The following RABGEF1 variants were observed in gnomAD, a reference collection of about 807,000 sequenced individuals.
RABGEF1 encodes the protein rab5 GDP/GTP exchange factor.
RABGEF1 carries 26 observed loss-of-function variants against 57.3 expected under a neutral mutation model. The observed-to-expected ratio is 0.45, with a 90% confidence interval of 0.33 to 0.63. The LOEUF is 0.63. RABGEF1 is among the 20% of genes least tolerant of loss of function. The pLI, the probability that RABGEF1 is intolerant of heterozygous loss-of-function variation, is 0.02. For synonymous variants in RABGEF1, 185 were observed against 210.7 expected, an observed-to-expected ratio of 0.88 and a Z score of 1.06; for missense variants, 464 against 607.6, an observed-to-expected ratio of 0.76 and a Z score of 2.48.
intron 1 of RABGEF1, among the ~76,000 whole-genome samples, chr7:66,762,194 A>C (rs1362817131): frequency 6.6e-6 from 1 of 152,248 alleles, no homozygotes; most frequent in East Asian, 1.9e-4. Flanking sequence ...GAAATGTAAC[A>C]GTGGAGAAGG....
At position 66,810,378 on chromosome 7, in the gene RABGEF1, T is replaced by C. The variant is rs1789291223; in HGVS notation, c.*1094T>C. Reference sequence around the variant, plus strand: ...GCCATCCATATCCATTAGGTGCCAGTAGCACCCCCGCTAGAGCTGTGAAAA... The same window carrying C: ...GCCATCCATATCCATTAGGTGCCAGCAGCACCCCCGCTAGAGCTGTGAAAA... On this transcript the variant is annotated 3_prime_UTR_variant, in exon 9 of 9. Transcript: ENST00000284957. 1 of 152,176 alleles carries C rather than the reference T, an allele frequency of 6.6e-6. No individual in the cohort carries two copies. The highest frequency in any genetic ancestry group is 1.9e-4 in the East Asian group (1 of 5,206). 9.4% of individuals were successfully genotyped at this position (152,176 alleles called of 1,614,324 possible). A position where few individuals can be genotyped will look rare whatever the true frequency, so the allele number is the denominator to read the frequency against.
At chr7:66,714,792 G>A (rs1233610196) in intron 2 of RABGEF1, among the ~76,000 whole-genome samples, 16 of 152,198 alleles carry the variant, frequency 1.1e-4, no homozygotes, top group East Asian at 1.9e-4. Context: ...AAAATTAGCC[G>A]GGCATGGTGG....
chr7:66,705,464 A>AGAGG lies in RABGEF1; in HGVS notation c.-872-6700_-872-6699insGGAG, dbSNP rs1411671373. On this transcript the variant is annotated intron_variant and NMD_transcript_variant, in intron 1 of 9. Transcript: ENST00000607882. Reference sequence around the variant, plus strand: ...AAGAAAGAGAGAGAGAGAGAGAGAGAGAGAGAGAGAGAGAGAGAGAGAGGA... The same window carrying AGAGG: ...AAGAAAGAGAGAGAGAGAGAGAGAGAGAGGGAGAGAGAGAGAGAGAGAGAGAGGA... Among the ~76,000 whole-genome samples, 36 of 137,924 alleles carry AGAGG rather than the reference A, an allele frequency of 2.6e-4. 1 individual carries two copies. The South Asian group carries it at 4.2e-3, about 16-fold the overall frequency. The allele number at this position is 137,924 out of a possible 152,430, so 90.5% of individuals were successfully genotyped here. A position where few individuals can be genotyped will look rare whatever the true frequency, so the allele number is the denominator to read the frequency against.
At chr7:66,724,422 C>T (rs368802409) in intron 2 of RABGEF1, among the ~76,000 whole-genome samples, 10 of 151,778 alleles carry the variant, frequency 6.6e-5, no homozygotes, top group Non-Finnish European at 1.2e-4. Context: ...TGCAGTGGCG[C>T]GATCTCGGCT....
chr7:66,756,205 G>C, intron 1 of RABGEF1: 4 of 574,600 alleles, frequency 7.0e-6, no homozygotes, highest in Non-Finnish European at 1.1e-5. Context: ...TCTAAAGATG[G>C]CTAACCTTAG....
intron 2 of RABGEF1, among the ~76,000 whole-genome samples, chr7:66,722,592 A>C (rs1032587574): frequency 6.6e-6 from 1 of 152,222 alleles, no homozygotes; most frequent in African/African-American, 2.4e-5. Context: ...CCATTGCCTA[A>C]TTCAAGGTCA....
At position 66,771,993 on chromosome 7, in the gene RABGEF1, C is replaced by T; in HGVS notation, c.94C>T (p.Gln32Ter). ...TGGTTACTACGGCAACCCTGCCTGGCAGGGTTTCTGCTCCAAGTGCTGGAG... is the reference window on the plus strand; with the variant it reads ...TGGTTACTACGGCAACCCTGCCTGGTAGGGTTTCTGCTCCAAGTGCTGGAG... ...GCGYYGNPAW[Q>*]GFCSKCWREE... The change falls in exon 2 of 9, where the codon CAG becomes TAG. Residue 32 changes from glutamine (Q) to a stop codon, truncating the protein, a stop_gained. Transcript: ENST00000284957. LOFTEE classifies it high-confidence loss of function. The T allele has an allele frequency of 1.3e-6, 2 of 1,599,572 alleles. No individual in the cohort carries two copies. The highest frequency in any genetic ancestry group is 1.7e-6 in the Non-Finnish European group (2 of 1,173,578).
rs1237776985 is a variant in RABGEF1, at chr7:66,796,586, G to T, written c.596-788G>T. 3.3e-4 allele frequency among the ~76,000 whole-genome samples: 50 copies of T among 151,008 alleles called. 1 individual carries two copies. Among genetic ancestry groups the T allele is most frequent in the Non-Finnish European group, 8.8e-5 (6 of 67,848 alleles). ...CCAACAGTTGGAAGAAGATTTTTTT[G>T]TTTGTTTGTTTGTTTGTTTTTGTCG... On this transcript the variant is annotated intron_variant, in intron 5 of 8. Transcript: ENST00000284957.
chr7:66,796,717 AG>A (rs1786013216), intron 5 of RABGEF1: 1 of 292,334 alleles, frequency 3.4e-6, no homozygotes, highest in Non-Finnish European at 6.7e-6. Context: ...TCAGCCCCCG[AG>A]TGGCTGGGAT....
At chr7:66,693,299 A>G (rs1325848269) in intron 1 of RABGEF1, among the ~76,000 whole-genome samples, 2 of 152,164 alleles carry the variant, frequency 1.3e-5, no homozygotes, top group Non-Finnish European at 2.9e-5. Context: ...GGCACCATCA[A>G]AAGTAAATTA....
chr7:66,683,153 A>T (rs1233551375), intron 1 of RABGEF1, among the ~76,000 whole-genome samples: 3 of 151,952 alleles, frequency 2.0e-5, no homozygotes, highest in Non-Finnish European at 1.5e-5. Context: ...TTTCCTTATT[A>T]TTTTTTTCGA....
intron 2 of RABGEF1, among the ~76,000 whole-genome samples, chr7:66,730,387 C>T (rs545171026): frequency 5.8e-4 from 89 of 152,184 alleles, no homozygotes; most frequent in African/African-American, 2.0e-3. Flanking sequence ...GCATCTTAAA[C>T]GGTAGGTTAT....
the RABGEF1 span, among the ~76,000 whole-genome samples, chr7:66,664,201 A>G: frequency 6.6e-6 from 1 of 152,072 alleles, no homozygotes; most frequent in Non-Finnish European, 1.5e-5. Flanking sequence ...GTTTTGGTGG[A>G]ATGGGGTGAC....
chr7:66,720,194 AT>A (rs58442880), intron 2 of RABGEF1, among the ~76,000 whole-genome samples: 35,082 of 134,176 alleles, frequency 0.26, 4,101 homozygotes, highest in South Asian at 0.33. Flanking sequence ...TATTATTATT[AT>A]TTTTTTTTTT....
intron 1 of RABGEF1, among the ~76,000 whole-genome samples, chr7:66,699,939 C>T (rs1380360177): frequency 6.6e-6 from 1 of 152,202 alleles, no homozygotes; most frequent in Non-Finnish European, 1.5e-5. Flanking sequence ...AGAGCCTGTC[C>T]CTGTCAGATG....
intron 4 of RABGEF1, among the ~76,000 whole-genome samples, chr7:66,786,624 G>A (rs1811249549): frequency 6.6e-6 from 1 of 152,120 alleles, no homozygotes; most frequent in South Asian, 2.1e-4. Context: ...GGCTGGTCTT[G>A]AATTCCTGAC....
At chr7:66,713,810 G>T (rs1257839126) in intron 2 of RABGEF1, among the ~76,000 whole-genome samples, 1 of 152,166 alleles carries the variant, frequency 6.6e-6, no homozygotes, top group African/African-American at 2.4e-5. Flanking sequence ...ATTATTTTAA[G>T]AAATGGATAC....
chr7:66,666,869 G>A, the RABGEF1 span, among the ~76,000 whole-genome samples: 1 of 152,218 alleles, frequency 6.6e-6, no homozygotes, highest in Non-Finnish European at 1.5e-5. Context: ...GGGGCAGGGA[G>A]CTGGCACTGG....
intron 1 of RABGEF1, among the ~76,000 whole-genome samples, chr7:66,705,153 C>T (rs1793825991): frequency 6.6e-6 from 1 of 152,126 alleles, no homozygotes; most frequent in Non-Finnish European, 1.5e-5. Flanking sequence ...GTAAACCCAA[C>T]ACTTTGGGAG....
Sources: gnomAD v4.1 joint callset for allele counts (sites outside exome capture counted in the v4.1 genomes callset) on GRCh38, gnomAD v4.1.1 for gene constraint, MANE v1.5 for transcripts, NCBI Gene and HGNC (gene_info 2026-07-23, HGNC 2026-07-21) for gene names.